ARHGAP28: variants seen among roughly 807,000 people sequenced by gnomAD.
The protein encoded by ARHGAP28 is Rho GTPase activating protein 28.
Under a neutral mutation model 90.7 loss-of-function variants are expected in ARHGAP28, and 56 were observed. That is an observed-to-expected ratio of 0.62 (90% CI 0.50 to 0.77). ARHGAP28 has a LOEUF of 0.77. Among genes scored for constraint, ARHGAP28 ranks in the 30% least tolerant of loss-of-function variants. ARHGAP28 has a pLI of 0.00. For missense variants in ARHGAP28, 869 were observed against 900.9 expected, an observed-to-expected ratio of 0.96 and a Z score of 0.45; for synonymous variants, 308 against 323.3, an observed-to-expected ratio of 0.95 and a Z score of 0.51.
chr18:6,859,890 ACT>A lies in ARHGAP28; in HGVS notation c.722_723del (p.Ser241CysfsTer5). On this transcript the variant is annotated frameshift_variant, in exon 5 of 18. Transcript: ENST00000383472. LOFTEE classifies it high-confidence loss of function. ...GGGAGTTTTGCGGTTCCCAGGAGTGACTCTGTGGTAAGTCATCCATGTCAGCA... is the reference window on the plus strand; with the variant it reads ...GGGAGTTTTGCGGTTCCCAGGAGTGACTGTGGTAAGTCATCCATGTCAGCA... The A allele has an allele frequency of 5.0e-6, 8 of 1,613,992 alleles. No homozygotes were observed. The highest frequency in any genetic ancestry group is 5.9e-6 in the Non-Finnish European group (7 of 1,179,894).
chr18:6,787,508 A>G (rs2056374912), intron 1 of ARHGAP28, among the ~76,000 whole-genome samples: 1 of 152,160 alleles, frequency 6.6e-6, no homozygotes, highest in Non-Finnish European at 1.5e-5. Context: ...GTTTTCAACA[A>G]TGGAAGAAAC....
chr18:6,888,267 A>G (rs1423524369), intron 12 of ARHGAP28, among the ~76,000 whole-genome samples: 1 of 152,176 alleles, frequency 6.6e-6, no homozygotes, highest in Non-Finnish European at 1.5e-5. Context: ...TGCTCTCTGG[A>G]TAATCATTCT....
intron 1 of ARHGAP28, among the ~76,000 whole-genome samples, chr18:6,768,293 C>T (rs2056215676): frequency 6.6e-6 from 1 of 152,082 alleles, no homozygotes; most frequent in Non-Finnish European, 1.5e-5. Context: ...TTTTGAGCCT[C>T]ATTTTCTTGC....
chr18:6,800,102 G>GA (rs1318720183), intron 1 of ARHGAP28, among the ~76,000 whole-genome samples: 2 of 151,942 alleles, frequency 1.3e-5, no homozygotes, highest in African/African-American at 4.8e-5. Context: ...CAACAAACAT[G>GA]AAAAAAAGCT....
At chr18:6,826,299 C>T (rs1369366254) in intron 2 of ARHGAP28, among the ~76,000 whole-genome samples, 1 of 151,838 alleles carries the variant, frequency 6.6e-6, no homozygotes, top group Non-Finnish European at 1.5e-5. Context: ...ATGTTCATAT[C>T]CTTTGCCCAT....
chr18:6,734,357 T>G (rs2055908376), intron 1 of ARHGAP28, among the ~76,000 whole-genome samples: 1 of 152,000 alleles, frequency 6.6e-6, no homozygotes, highest in African/African-American at 2.4e-5. Context: ...TAGTAGAAAA[T>G]GGCCATGATT....
In ARHGAP28 at chr18:6,914,889, T is replaced by C. The variant is rs1325248111; in HGVS notation, c.*2735T>C. 5 of 152,638 alleles carry C rather than the reference T, an allele frequency of 3.3e-5. No individual in the cohort carries two copies. Among genetic ancestry groups the C allele is most frequent in the African/African-American group, 1.2e-4 (5 of 41,456 alleles). The allele number at this position is 152,638 out of a possible 1,614,324, so 9.5% of individuals were successfully genotyped here. On this transcript the variant is annotated 3_prime_UTR_variant, in exon 18 of 18. Coordinates refer to ENST00000383472, the MANE Select transcript of ARHGAP28 (RefSeq NM_001366230.1). The stretch of plus-strand genomic sequence containing the variant: ...AGCAGCTCACTTGGAAATATGATTC[T>C]TGGAGTCAATGATCTCTAAACAAAC...
At chr18:6,788,114 G>C (rs1376017513) in intron 1 of ARHGAP28, among the ~76,000 whole-genome samples, 1 of 152,126 alleles carries the variant, frequency 6.6e-6, no homozygotes, top group East Asian at 1.9e-4. Flanking sequence ...GGTGGGGCCT[G>C]GTGAGGGGTG....
At chr18:6,767,141 G>C (rs184823588) in intron 1 of ARHGAP28, among the ~76,000 whole-genome samples, 1 of 150,732 alleles carries the variant, frequency 6.6e-6, no homozygotes, top group East Asian at 2.0e-4. Flanking sequence ...ATTATTTTTC[G>C]TGATGGCTGC....
At chr18:6,768,507 T>C (rs1390893367) in intron 1 of ARHGAP28, among the ~76,000 whole-genome samples, 1 of 152,152 alleles carries the variant, frequency 6.6e-6, no homozygotes, top group African/African-American at 2.4e-5. Flanking sequence ...AGACTTTCTA[T>C]TCTGATTGGT....
At chr18:6,770,472 G>A (rs1024300035) in intron 1 of ARHGAP28, among the ~76,000 whole-genome samples, 3 of 152,144 alleles carry the variant, frequency 2.0e-5, no homozygotes, top group African/African-American at 7.2e-5. Context: ...GTGTTGTTAC[G>A]TTAGATGAAG....
rs1292276492 is a variant in ARHGAP28 at position 6,889,876 on chromosome 18, G to C, written c.1537-12G>C. The C allele has an allele frequency of 4.3e-6, 7 of 1,613,142 alleles. No individual in the cohort carries two copies. The highest frequency in any genetic ancestry group is 4.2e-6 in the Non-Finnish European group (5 of 1,179,742). ...GTGTACAATTGTATGACACAATGCT[G>C]TTTCTTCTTAGGCCCTCATGACATT... On this transcript the variant is annotated splice_polypyrimidine_tract_variant and intron_variant, in intron 12 of 17. Transcript: ENST00000383472.
intron 1 of ARHGAP28, among the ~76,000 whole-genome samples, chr18:6,818,549 A>C (rs927276100): frequency 5.9e-5 from 9 of 152,190 alleles, no homozygotes; most frequent in Non-Finnish European, 5.9e-5. Context: ...GAGTGCATGA[A>C]GTGTTTATTA....
intron 14 of ARHGAP28, among the ~76,000 whole-genome samples, chr18:6,892,389 T>C (rs1448316540): frequency 6.6e-6 from 1 of 151,764 alleles, no homozygotes; most frequent in African/African-American, 2.4e-5. Flanking sequence ...TGACCTCAGG[T>C]GATCCGCCCG....
rs1419997899 is a variant in ARHGAP28, at chr18:6,913,432, G to C, written c.*1278G>C. The C allele has an allele frequency of 2.0e-5, 3 of 152,120 alleles. No individual in the cohort carries two copies. The highest frequency in any genetic ancestry group is 1.3e-4 in the Admixed American group (2 of 15,276). 9.4% of individuals were successfully genotyped at this position (152,120 alleles called of 1,614,324 possible). A position where few individuals can be genotyped will look rare whatever the true frequency, so the allele number is the denominator to read the frequency against. On this transcript the variant is annotated 3_prime_UTR_variant, in exon 18 of 18. Transcript: ENST00000383472. ...TCATTTATCCCAGATATATACATTG[G>C]CTTTTTTGGAATCTATAGATTGAGA...
chr18:6,838,987 G>A lies in ARHGAP28; in HGVS notation c.543+1573G>A, dbSNP rs116408799. Among the ~76,000 whole-genome samples, 1,360 of 152,298 alleles carry A rather than the reference G, an allele frequency of 8.9e-3. 13 individuals carry two copies. The highest frequency in any genetic ancestry group is 0.03 in the African/African-American group (1,257 of 41,548). On this transcript the variant is annotated intron_variant, in intron 3 of 17. Transcript: ENST00000383472. ...TTTCATCTGACCATCCGTATCAGAT[G>A]TTCTTATTCAGACATCACCCAGCAG...
At chr18:6,853,299 C>T (rs1052281010) in intron 4 of ARHGAP28, among the ~76,000 whole-genome samples, 1 of 152,148 alleles carries the variant, frequency 6.6e-6, no homozygotes, top group Admixed American at 6.5e-5. Context: ...CCTCATTATA[C>T]CCTCTAGCAT....
At chr18:6,867,083 A>G (rs958038689) in intron 5 of ARHGAP28, among the ~76,000 whole-genome samples, 1 of 152,158 alleles carries the variant, frequency 6.6e-6, no homozygotes, top group Non-Finnish European at 1.5e-5. Flanking sequence ...TCGGTTTGTC[A>G]TTCTTCCACC....
chr18:6,757,008 A>G (rs2056116194), intron 1 of ARHGAP28, among the ~76,000 whole-genome samples: 1 of 152,172 alleles, frequency 6.6e-6, no homozygotes, highest in African/African-American at 2.4e-5. Context: ...TCTTTTGGCA[A>G]CACCCTCACA....
Sources: allele counts gnomAD v4.1 joint callset (sites outside exome capture counted in the v4.1 genomes callset), GRCh38; gene constraint gnomAD v4.1.1; transcripts MANE v1.5; gene names NCBI Gene and HGNC (gene_info 2026-07-23, HGNC 2026-07-21).